Variants in SEC63 observed in about 807,000 individuals in gnomAD.
SEC63 encodes the protein translocation protein SEC63 homolog.
Under a neutral mutation model 116.2 loss-of-function variants are expected in SEC63, and 56 were observed. That is an observed-to-expected ratio of 0.48 (90% CI 0.39 to 0.60). SEC63 has a LOEUF of 0.60. Among genes scored for constraint, SEC63 ranks in the 20% least tolerant of loss-of-function variants. The pLI is 0.00. For synonymous variants in SEC63, 273 were observed against 294.6 expected (o/e 0.93, Z 0.75); for missense variants, 668 against 900.0 (o/e 0.74, Z 3.30).
At chr6:107,885,440 C>T (rs1393756510) in intron 16 of SEC63, among the ~76,000 whole-genome samples, 7 of 152,024 alleles carry the variant, frequency 4.6e-5, no homozygotes, top group Non-Finnish European at 8.8e-5. Context: ...GTAAATCTAA[C>T]GAAAGATGTG....
chr6:107,892,875 G>C (rs1481143847), intron 16 of SEC63, among the ~76,000 whole-genome samples: 1 of 152,140 alleles, frequency 6.6e-6, no homozygotes, highest in Non-Finnish European at 1.5e-5. Context: ...ACGTAGGTAA[G>C]AGCATAAAAT....
At chr6:107,887,991 T>G (rs1786575791) in intron 16 of SEC63, among the ~76,000 whole-genome samples, 1 of 152,226 alleles carries the variant, frequency 6.6e-6, no homozygotes, top group Non-Finnish European at 1.5e-5. Context: ...TTTTGGTTAC[T>G]GTAGCCTTGT....
Position 107,878,199 on chromosome 6 carries a change from T to G in SEC63, c.1936-1537A>C, listed in dbSNP as rs181052115. On this transcript the variant is annotated intron_variant, in intron 18 of 20. Coordinates refer to ENST00000369002, the MANE Select transcript of SEC63 (RefSeq NM_007214.5). ...CAGACTGCAGTTTGACAATATCTGT[T>G]TTAAAGACACAGAAACCTGGGTTAT... Among the ~76,000 whole-genome samples the G allele has an allele frequency of 2.3e-4, 35 of 152,232 alleles. 1 individual carries two copies. Among genetic ancestry groups the G allele is most frequent in the Non-Finnish European group, 2.6e-4 (18 of 68,040 alleles).
At chr6:107,899,198 TATC>T (rs1786938186) in intron 13 of SEC63, among the ~76,000 whole-genome samples, 1 of 152,206 alleles carries the variant, frequency 6.6e-6, no homozygotes, top group Non-Finnish European at 1.5e-5. Context: ...CCAGCATTAT[TATC>T]ATGCAGATGC....
At chr6:107,933,178 A>C (rs1583767212) in intron 1 of SEC63, among the ~76,000 whole-genome samples, 1 of 152,304 alleles carries the variant, frequency 6.6e-6, no homozygotes, top group East Asian at 1.9e-4. Context: ...AAAAAAATAC[A>C]GGCTATCTAC....
At chr6:107,909,353 G>A (rs560988829) in intron 7 of SEC63, among the ~76,000 whole-genome samples, 12 of 150,960 alleles carry the variant, frequency 7.9e-5, no homozygotes, top group Admixed American at 3.3e-4. Flanking sequence ...CTCCATCCTA[G>A]GTGACAGAGG....
rs577299851 is a variant in SEC63, at chr6:107,924,483, G to A, written c.339+335C>T. ...TGGGAGGCTGAGGTAGGAGAATGGC[G>A]TGAACCCAGGAGGCGGAGCTTGCAG... On this transcript the variant is annotated intron_variant, in intron 3 of 20. Transcript: ENST00000369002. Among the ~76,000 whole-genome samples the A allele has an allele frequency of 3.9e-3, 575 of 148,714 alleles. 3 individuals are homozygous for A. Among genetic ancestry groups the A allele is most frequent in the African/African-American group, 9.6e-3 (388 of 40,292 alleles).
chr6:107,874,452 T>C (rs1224142452), intron 19 of SEC63, among the ~76,000 whole-genome samples: 3 of 151,606 alleles, frequency 2.0e-5, no homozygotes, highest in Non-Finnish European at 4.4e-5. Context: ...AAAAATTAGC[T>C]GGGTGCAGTG....
At chr6:107,922,005 T>G in intron 3 of SEC63, 96 bp from the exon 4 acceptor site, 1 of 716,302 alleles carries the variant, frequency 1.4e-6, no homozygotes, top group Middle Eastern at 2.4e-4. Flanking sequence ...ACTTAAAATA[T>G]GAACTACTCA....
Position 107,921,839 on chromosome 6 carries a change from C to A in SEC63, c.410G>T (p.Gly137Val), listed in dbSNP as rs1432388829. Residue 137 changes from glycine to valine, a missense_variant, in exon 4 of 21, where the codon GGT becomes GTT. By Grantham distance (109) the Gly-to-Val change is moderately radical. Around this residue, in one of 5 missense-constraint regions of SEC63, gnomAD observed 142 missense variants for 169.5 expected, o/e 0.84. Coordinates refer to ENST00000369002, the MANE Select transcript of SEC63 (RefSeq NM_007214.5). Reference sequence around the variant, plus strand: ...TATCCTCATGAACATAACCTCATCACCTCCTTTATCTGGATGATATTTAAG... The same window carrying A: ...TATCCTCATGAACATAACCTCATCAACTCCTTTATCTGGATGATATTTAAG... Reference protein sequence around the residue: ...LSLKYHPDKGGDEVMFMRIAK... With the variant: ...LSLKYHPDKGVDEVMFMRIAK... The A allele has an allele frequency of 6.2e-7, 1 of 1,612,256 alleles. No homozygotes were observed.
chr6:107,903,226 C>A (rs533637530), intron 11 of SEC63, among the ~76,000 whole-genome samples: 1 of 152,164 alleles, frequency 6.6e-6, no homozygotes, highest in East Asian at 1.9e-4. Context: ...AAATTATTTG[C>A]CTCACCTCAA....
intron 1 of SEC63, among the ~76,000 whole-genome samples, chr6:107,954,276 G>T (rs531017329): frequency 6.6e-6 from 1 of 151,482 alleles, no homozygotes. Flanking sequence ...CAGCATGCTC[G>T]TTAAGAGTCA....
chr6:107,876,276 C>G (rs1365809026), intron 19 of SEC63, among the ~76,000 whole-genome samples: 2 of 152,078 alleles, frequency 1.3e-5, no homozygotes, highest in Non-Finnish European at 2.9e-5. Flanking sequence ...TCACTAAATT[C>G]TGGAGAGGAG....
chr6:107,872,847 T>G lies in SEC63; in HGVS notation c.2100A>C (p.Ser700=). The change falls in exon 20 of 21, where the codon TCA becomes TCC. Residue 700 remains serine (S), a synonymous_variant. Coordinates refer to ENST00000369002, the MANE Select transcript of SEC63 (RefSeq NM_007214.5). ...GNYQYTVFLR[S]DSYMGLDQIK... is the part of the protein sequence containing the mutation. ...TCTGATCCAAACCCATATAGGAGTC[T>G]GATCTCAGAAACACAGTATACTGAT... 1 of 1,555,484 alleles carries G rather than the reference T, an allele frequency of 6.4e-7. No homozygotes were observed. Among genetic ancestry groups the G allele is most frequent in the South Asian group, 1.2e-5 (1 of 85,008 alleles).
intron 16 of SEC63, among the ~76,000 whole-genome samples, chr6:107,889,852 C>G (rs1365261016): frequency 6.6e-6 from 1 of 152,168 alleles, no homozygotes; most frequent in Non-Finnish European, 1.5e-5. Flanking sequence ...AGTAGTCATT[C>G]AGGAGCAGGT....
At chr6:107,938,535 A>ACGCC (rs1260996893) in intron 1 of SEC63, among the ~76,000 whole-genome samples, 5 of 149,696 alleles carry the variant, frequency 3.3e-5, no homozygotes, top group African/African-American at 1.0e-4. Context: ...GTGAGACACC[A>ACGCC]CATCTGGCCC....
rs1770748692 is a variant in SEC63 at position 107,958,020 on chromosome 6, CCTCCGCCTCGCTCTT to C, written c.-26_-12del. ...CTGCTGCCCGGCCATGGCACCCCCT[CCTCCGCCTCGCTCTT>C]CTCACCGCCGCCGCCACGACCACGC... On this transcript the variant is annotated 5_prime_UTR_variant, in exon 1 of 21. Coordinates refer to ENST00000369002, the MANE Select transcript of SEC63 (RefSeq NM_007214.5). 6.2e-7 allele frequency: 1 copy of C among 1,613,080 alleles called. No homozygotes were observed. The highest frequency in any genetic ancestry group is 1.3e-5 in the African/African-American group (1 of 74,992).
At chr6:107,934,586 G>A (rs1344793691) in intron 1 of SEC63, among the ~76,000 whole-genome samples, 26 of 146,088 alleles carry the variant, frequency 1.8e-4, no homozygotes, top group African/African-American at 5.7e-4. Flanking sequence ...AGTGAGGAGC[G>A]TCTCCGCCCG....
At chr6:107,895,450 T>C (rs1286716688) in intron 14 of SEC63, among the ~76,000 whole-genome samples, 1 of 152,188 alleles carries the variant, frequency 6.6e-6, no homozygotes, top group Non-Finnish European at 1.5e-5. Flanking sequence ...GGCTCACACC[T>C]GTAATCCCAG....
Sources: gnomAD v4.1 joint callset for allele counts (sites outside exome capture counted in the v4.1 genomes callset) on GRCh38, gnomAD v4.1.1 for gene constraint, gnomAD v4.1.1 regional missense constraint, MANE v1.5 for transcripts, NCBI Gene and HGNC (gene_info 2026-07-23, HGNC 2026-07-21) for gene names.